The following PTPRA variants were observed in gnomAD, a reference collection of about 807,000 sequenced individuals.
PTPRA encodes the protein receptor-type tyrosine-protein phosphatase alpha.
PTPRA carries 25 observed loss-of-function variants against 104.8 expected under a neutral mutation model. The ratio of observed to expected loss-of-function variants is 0.24; its 90% CI spans 0.17 to 0.33. The LOEUF is 0.33. PTPRA is among the 10% of genes least tolerant of loss of function. PTPRA has a pLI of 1.00. For missense variants in PTPRA, 765 were observed against 1,015.3 expected (o/e 0.75, Z 3.35); for synonymous variants, 323 against 368.9 (o/e 0.88, Z 1.43).
At chr20:2,924,192 C>T (rs2060205140) in intron 2 of PTPRA, among the ~76,000 whole-genome samples, 1 of 151,906 alleles carries the variant, frequency 6.6e-6, no homozygotes, top group Non-Finnish European at 1.5e-5. Context: ...CTAAGGCGGG[C>T]AGATCAGTTG....
intron 11 of PTPRA, among the ~76,000 whole-genome samples, chr20:3,014,958 C>T (rs1011974158): frequency 6.6e-6 from 1 of 152,134 alleles, no homozygotes; most frequent in Non-Finnish European, 1.5e-5. Flanking sequence ...TTAGTTTTTC[C>T]GAGGCTCCTT....
At chr20:3,002,420 G>A (rs930084711) in intron 9 of PTPRA, among the ~76,000 whole-genome samples, 8 of 149,448 alleles carry the variant, frequency 5.4e-5, no homozygotes, top group East Asian at 2.0e-4. Flanking sequence ...TCCATCTCCC[G>A]GGTTCAAGCA....
chr20:3,015,303 C>CTTTT (rs778457233), intron 11 of PTPRA, among the ~76,000 whole-genome samples: 1 of 134,652 alleles, frequency 7.4e-6, no homozygotes, highest in African/African-American at 2.8e-5. Context: ...CTTTCTTTTT[C>CTTTT]TTTTTTTTTT....
the PTPRA span, chr20:2,865,957 T>G: frequency 1.9e-6 from 1 of 530,848 alleles, no homozygotes; most frequent in Non-Finnish European, 3.4e-6. The surrounding 1 kb of genome is among the most constrained non-coding windows in gnomAD (Gnocchi z 5.2). Context: ...CAAGGGGTAA[T>G]GGTGGGTGGT....
At chr20:2,924,262 T>A (rs1212739443) in intron 2 of PTPRA, among the ~76,000 whole-genome samples, 1 of 151,744 alleles carries the variant, frequency 6.6e-6, no homozygotes, top group Non-Finnish European at 1.5e-5. Flanking sequence ...ATGAGCTGAG[T>A]GTGGTGGCTC....
intron 1 of PTPRA, among the ~76,000 whole-genome samples, chr20:2,896,678 T>C (rs193034497): frequency 1.3e-5 from 2 of 152,200 alleles, no homozygotes; most frequent in Non-Finnish European, 2.9e-5. Context: ...AATATTGATA[T>C]AATACTGCCA....
At chr20:2,884,623 C>T (rs1333649245) in intron 1 of PTPRA, among the ~76,000 whole-genome samples, 2 of 151,896 alleles carry the variant, frequency 1.3e-5, no homozygotes, top group Non-Finnish European at 2.9e-5. Flanking sequence ...TTAGTTATTG[C>T]TCTTTTTATT....
At chr20:2,968,488 C>T (rs1376475753) in intron 5 of PTPRA, among the ~76,000 whole-genome samples, 1 of 140,544 alleles carries the variant, frequency 7.1e-6, no homozygotes, top group African/African-American at 3.0e-5. Flanking sequence ...AAACCTTCTC[C>T]CCCTCTTCCT....
At chr20:2,982,384 C>T (rs962106061) in intron 6 of PTPRA, among the ~76,000 whole-genome samples, 3 of 152,062 alleles carry the variant, frequency 2.0e-5, no homozygotes, top group African/African-American at 7.2e-5. Context: ...TCTTATAATA[C>T]CTGATATACT....
chr20:2,887,872 G>A (rs183352840), intron 1 of PTPRA, among the ~76,000 whole-genome samples: 22 of 152,308 alleles, frequency 1.4e-4, no homozygotes, highest in Non-Finnish European at 2.8e-4. Flanking sequence ...TGGTTCCCAT[G>A]TCCCCAGTGA....
intron 2 of PTPRA, among the ~76,000 whole-genome samples, chr20:2,934,968 G>A (rs896868846): frequency 6.6e-6 from 1 of 151,968 alleles, no homozygotes; most frequent in African/African-American, 2.4e-5. Flanking sequence ...CACTGTGCCC[G>A]GCCCCTGAAA....
chr20:2,866,546 G>A, the PTPRA span: 9 of 1,614,164 alleles, frequency 5.6e-6, no homozygotes, highest in African/African-American at 4.0e-5. Context: ...AAGATTCAAC[G>A]GGCCAGGGCA....
At chr20:2,991,615 A>C (rs1259501591) in intron 9 of PTPRA, among the ~76,000 whole-genome samples, 2 of 152,212 alleles carry the variant, frequency 1.3e-5, no homozygotes, top group African/African-American at 4.8e-5. Context: ...CTGAGACTCC[A>C]TGGTAAGGTA....
chr20:3,029,142 T>TGTTC (rs2065295140), intron 20 of PTPRA, among the ~76,000 whole-genome samples: 1 of 149,060 alleles, frequency 6.7e-6, no homozygotes, highest in Admixed American at 6.7e-5. Flanking sequence ...TGGTTTTGTT[T>TGTTC]GTTTGTTTGT....
At chr20:2,958,266 G>T (rs536617556) in intron 3 of PTPRA, among the ~76,000 whole-genome samples, 29 of 152,272 alleles carry the variant, frequency 1.9e-4, no homozygotes, top group African/African-American at 6.0e-4. Context: ...GATTTATTCA[G>T]TATGGGGGCT....
intron 1 of PTPRA, among the ~76,000 whole-genome samples, chr20:2,914,919 A>AG (rs777884053): frequency 7.9e-5 from 12 of 152,196 alleles, no homozygotes; most frequent in Admixed American, 3.3e-4. Context: ...AGGCCAAGCA[A>AG]GGCAGTCTAC....
rs552415327 is a variant in PTPRA, at chr20:2,982,936, G to C, written c.443-3829G>C. Among the ~76,000 whole-genome samples the C allele has an allele frequency of 5.9e-5, 9 of 152,208 alleles. 1 individual carries two copies. The highest frequency in any genetic ancestry group is 2.2e-4 in the African/African-American group (9 of 41,532). ...GCTGGTCTCGAATTCTTGACCTCATGATCTGCCCACCTCGGCTTCCCAAAG... is the reference window on the plus strand; with the variant it reads ...GCTGGTCTCGAATTCTTGACCTCATCATCTGCCCACCTCGGCTTCCCAAAG... On this transcript the variant is annotated intron_variant, in intron 6 of 23. Transcript: ENST00000399903.
chr20:3,013,261 T>C (rs1312116132), intron 11 of PTPRA, among the ~76,000 whole-genome samples: 2 of 152,150 alleles, frequency 1.3e-5, no homozygotes, highest in African/African-American at 2.4e-5. Context: ...GAAAGTGGGG[T>C]CTGTAGTTTG....
At chr20:2,920,111 A>G (rs970837555) in intron 1 of PTPRA, among the ~76,000 whole-genome samples, 6 of 152,230 alleles carry the variant, frequency 3.9e-5, no homozygotes, top group Non-Finnish European at 8.8e-5. Context: ...TGCTAACTCA[A>G]TGAGTAGGTG....
Sources: allele counts gnomAD v4.1 joint callset (sites outside exome capture counted in the v4.1 genomes callset), GRCh38; gene constraint gnomAD v4.1.1; non-coding constraint Gnocchi (gnomAD v3.1); transcripts MANE v1.5; gene names NCBI Gene and HGNC (gene_info 2026-07-23, HGNC 2026-07-21).